CEP350: variants seen among roughly 807,000 people sequenced by gnomAD.
CEP350 encodes the protein centrosomal protein 350.
Under a neutral mutation model 331.8 loss-of-function variants are expected in CEP350, and 126 were observed. That is an observed-to-expected ratio of 0.38 (90% CI 0.33 to 0.44). The LOEUF (loss-of-function observed/expected upper bound fraction) is 0.44. Among genes scored for constraint, CEP350 ranks in the 20% least tolerant of loss-of-function variants. The probability of loss-of-function intolerance (pLI) is 1.00; values close to 1 mark genes in which losing one functional copy is unlikely to be tolerated. For missense variants in CEP350, 3,406 were observed against 3,634.6 expected (o/e 0.94, Z 1.62); for synonymous variants, 1,200 against 1,259.5 (o/e 0.95, Z 1.00).
At chr1:179,997,270 G>A (rs773568326) in intron 6 of CEP350, 95 bp downstream of exon 6, 31 of 1,408,162 alleles carry the variant, frequency 2.2e-5, no homozygotes, top group African/African-American at 4.3e-5. Context: ...CTTTAGAACA[G>A]GATGTTATTC....
At chr1:179,969,558 G>GA in intron 1 of CEP350, 1 of 344,996 alleles carries the variant, frequency 2.9e-6, no homozygotes, top group Non-Finnish European at 5.7e-6. Flanking sequence ...AGGGTTGATG[G>GA]AAAATAAGCA....
chr1:179,967,999 C>T (rs1651143486), intron 1 of CEP350, among the ~76,000 whole-genome samples: 1 of 151,958 alleles, frequency 6.6e-6, no homozygotes, highest in Non-Finnish European at 1.5e-5. Flanking sequence ...GTCTGGAGCA[C>T]TCAATGTGGC....
At chr1:180,066,244 C>T (rs547662399) in intron 27 of CEP350, among the ~76,000 whole-genome samples, 1 of 152,270 alleles carries the variant, frequency 6.6e-6, no homozygotes, top group South Asian at 2.1e-4. Context: ...AAATTAGCTG[C>T]TTGTGGACTC....
At chr1:180,030,221 A>G (rs981060909) in intron 14 of CEP350, among the ~76,000 whole-genome samples, 2 of 147,490 alleles carry the variant, frequency 1.4e-5, no homozygotes, top group African/African-American at 4.9e-5. Context: ...TTGTATATAT[A>G]TATATATATT....
chr1:180,001,672 C>T (rs182917506), intron 6 of CEP350, among the ~76,000 whole-genome samples: 1 of 152,204 alleles, frequency 6.6e-6, no homozygotes, highest in South Asian at 2.1e-4. Context: ...CTGTTTTCCA[C>T]ACTTTGGACA....
intron 25 of CEP350, among the ~76,000 whole-genome samples, 195 bp downstream of exon 25, chr1:180,054,697 G>A (rs1160780529): frequency 2.6e-5 from 4 of 152,114 alleles, no homozygotes; most frequent in African/African-American, 4.8e-5. Context: ...AATGAGGATT[G>A]TGTGTCACTC....
Position 180,031,445 on chromosome 1 carries a change from A to C in CEP350, c.3676A>C (p.Thr1226Pro). The C allele has an allele frequency of 4.4e-6, 7 of 1,591,658 alleles. No individual in the cohort carries two copies. The highest frequency in any genetic ancestry group is 6.0e-6 in the Non-Finnish European group (7 of 1,167,776). ...SKLSVKDFEQ[T>P]LDTDSTLEDL... Reference sequence around the variant, plus strand: ...ACTTTCTGTTAAAGATTTTGAGCAGACTCTTGATACAGATAGCACTTTGGA... The same window carrying C: ...ACTTTCTGTTAAAGATTTTGAGCAGCCTCTTGATACAGATAGCACTTTGGA... Residue 1226 changes from threonine (T) to proline (P), a missense_variant, in exon 15 of 38, where the codon ACT becomes CCT. This residue lies in a region of CEP350 where 1,857 missense variants were observed against 1,909.2 expected (regional missense o/e 0.97). Coordinates refer to ENST00000367607, the MANE Select transcript of CEP350 (RefSeq NM_014810.5).
intron 31 of CEP350, chr1:180,087,116 AT>A (rs1439668877): frequency 1.3e-5 from 2 of 152,262 alleles, no homozygotes; most frequent in African/African-American, 4.8e-5. Context: ...ATTCTCAACT[AT>A]CATACTGTCA....
intron 1 of CEP350, among the ~76,000 whole-genome samples, chr1:179,967,629 C>T (rs1651115406): frequency 6.6e-6 from 1 of 152,078 alleles, no homozygotes; most frequent in African/African-American, 2.4e-5. Flanking sequence ...CCAGGCTGGT[C>T]TCCAACTCCT....
At chr1:179,991,542 C>G (rs962239326) in intron 4 of CEP350, among the ~76,000 whole-genome samples, 1 of 151,424 alleles carries the variant, frequency 6.6e-6, no homozygotes, top group African/African-American at 2.4e-5. Context: ...CCTGCCTTGG[C>G]CTCCCAAAGT....
intron 37 of CEP350, among the ~76,000 whole-genome samples, chr1:180,107,895 T>A (rs1661236175): frequency 6.6e-6 from 1 of 152,022 alleles, no homozygotes; most frequent in South Asian, 2.1e-4. Flanking sequence ...AATTAAGCTG[T>A]TTATATTTTA....
intron 37 of CEP350, among the ~76,000 whole-genome samples, chr1:180,107,481 C>G (rs1207346656): frequency 6.6e-6 from 1 of 152,138 alleles, no homozygotes; most frequent in Non-Finnish European, 1.5e-5. Flanking sequence ...CCAGCCTGGC[C>G]AACATGGTGA....
At chr1:180,084,605 C>A (rs559922174) in intron 31 of CEP350, among the ~76,000 whole-genome samples, 1 of 152,152 alleles carries the variant, frequency 6.6e-6, no homozygotes, top group Admixed American at 6.5e-5. Flanking sequence ...ACCTCGTGAT[C>A]CCCCTGCCTC....
At chr1:180,042,517 T>C (rs965669218) in intron 19 of CEP350, among the ~76,000 whole-genome samples, 1 of 152,200 alleles carries the variant, frequency 6.6e-6, no homozygotes, top group African/African-American at 2.4e-5. Context: ...GAGTTGTACA[T>C]TTTAGTATAA....
Position 180,112,075 on chromosome 1 carries a change from G to A in CEP350, c.*914G>A, listed in dbSNP as rs1661489158. On this transcript the variant is annotated 3_prime_UTR_variant, in exon 38 of 38. Coordinates refer to ENST00000367607, the MANE Select transcript of CEP350 (RefSeq NM_014810.5). ...CAAGAAGTCAGAGATGCTGTTACTT[G>A]AATGATTTAGGAAATGAGTGTGTGC... is the stretch of plus-strand genomic sequence containing the variant. The A allele has an allele frequency of 6.6e-6, 1 of 152,636 alleles. No individual in the cohort carries two copies. The highest frequency in any genetic ancestry group is 2.4e-5 in the African/African-American group (1 of 41,458). The allele number at this position is 152,636 out of a possible 1,614,324, so 9.5% of individuals were successfully genotyped here. A position where few individuals can be genotyped will look rare whatever the true frequency, so the allele number is the denominator to read the frequency against.
intron 7 of CEP350, among the ~76,000 whole-genome samples, chr1:180,004,906 G>GCTTGCTTGCTTGCTTGCTTGCTTGCTTT (rs1363516834): frequency 6.9e-5 from 9 of 130,790 alleles, no homozygotes; most frequent in African/African-American, 2.8e-4. Flanking sequence ...TTGCTTGCTT[G>GCTTGCTTGCTTGCTTGCTTGCTTGCTTT]CTTTCTTTCT....
At chr1:180,088,693 G>T (rs1049850925) in intron 32 of CEP350, among the ~76,000 whole-genome samples, 1 of 152,142 alleles carries the variant, frequency 6.6e-6, no homozygotes, top group Non-Finnish European at 1.5e-5. Flanking sequence ...GTTCTAGCTG[G>T]TTCTGTAACT....
intron 25 of CEP350, among the ~76,000 whole-genome samples, chr1:180,057,613 G>A (rs767873716): frequency 6.6e-6 from 1 of 151,360 alleles, no homozygotes; most frequent in Non-Finnish European, 1.5e-5. Flanking sequence ...TAACTGCAAA[G>A]GCTCCAGCTG....
intron 21 of CEP350, among the ~76,000 whole-genome samples, chr1:180,048,089 C>G (rs1207168764): frequency 2.0e-5 from 3 of 152,100 alleles, no homozygotes; most frequent in Non-Finnish European, 2.9e-5. Flanking sequence ...TCTAATATTG[C>G]AAAGCAATAA....
Sources: gnomAD v4.1 joint callset for allele counts (sites outside exome capture counted in the v4.1 genomes callset) on GRCh38, gnomAD v4.1.1 for gene constraint, gnomAD v4.1.1 regional missense constraint, MANE v1.5 for transcripts, NCBI Gene and HGNC (gene_info 2026-07-23, HGNC 2026-07-21) for gene names.